UBE3D: variants seen among roughly 807,000 people sequenced by gnomAD.
The protein encoded by UBE3D is E3 ubiquitin-protein ligase E3D.
A neutral mutation model predicts 49.6 loss-of-function variants in UBE3D; 48 were observed. The observed-to-expected ratio is 0.97, with a 90% CI of 0.77 to 1.23. The LOEUF is 1.23. UBE3D is among the 50% of genes most tolerant of loss of function. The probability of loss-of-function intolerance (pLI) is 0.00; values close to 1 mark genes in which losing one functional copy is unlikely to be tolerated. For synonymous variants in UBE3D, 189 were observed against 174.2 expected (o/e 1.08, Z -0.67); for missense variants, 452 against 468.4 (o/e 0.96, Z 0.32).
At chr6:83,057,711 C>A (rs1257416699) in intron 2 of UBE3D, 115 bp downstream of exon 2, 8 of 1,003,008 alleles carry the variant, frequency 8.0e-6, no homozygotes, top group Non-Finnish European at 1.2e-5. Context: ...CTGACAAAGA[C>A]CCTAGAGCTT....
chr6:82,932,771 T>C (rs1223685911), intron 9 of UBE3D: 1 of 152,186 alleles, frequency 6.6e-6, no homozygotes, highest in African/African-American at 2.4e-5. Flanking sequence ...AATTGGAAAG[T>C]TGTTTTTTGT....
At chr6:83,026,283 C>T (rs966316347) in intron 5 of UBE3D, among the ~76,000 whole-genome samples, 12 of 151,848 alleles carry the variant, frequency 7.9e-5, no homozygotes, top group African/African-American at 2.7e-4. Context: ...CCTGTCTCTA[C>T]AAAAAATTCT....
chr6:83,031,129 G>A (rs1034924096), intron 5 of UBE3D, among the ~76,000 whole-genome samples: 8 of 152,008 alleles, frequency 5.3e-5, no homozygotes, highest in African/African-American at 1.2e-4. Flanking sequence ...TGCCTCAGCC[G>A]CCCAAGTAGC....
intron 9 of UBE3D, among the ~76,000 whole-genome samples, chr6:82,914,758 A>G (rs1772788731): frequency 6.6e-6 from 1 of 152,142 alleles, no homozygotes; most frequent in Non-Finnish European, 1.5e-5. Context: ...CTGCTGTTCT[A>G]TTACTTCCCC....
chr6:82,963,253 G>T (rs1776681967), intron 8 of UBE3D, among the ~76,000 whole-genome samples: 1 of 146,338 alleles, frequency 6.8e-6, no homozygotes, highest in Admixed American at 6.9e-5. Flanking sequence ...AGGAAGAAAT[G>T]GCTTGGCATA....
At chr6:83,048,128 A>C (rs1418403104) in intron 3 of UBE3D, among the ~76,000 whole-genome samples, 1 of 150,842 alleles carries the variant, frequency 6.6e-6, no homozygotes, top group African/African-American at 2.4e-5. Context: ...TCACAGAATC[A>C]GAAGTGATCA....
intron 9 of UBE3D, among the ~76,000 whole-genome samples, chr6:82,949,153 T>C (rs1775610117): frequency 6.6e-6 from 1 of 152,032 alleles, no homozygotes; most frequent in African/African-American, 2.4e-5. Flanking sequence ...TTAGAATTGA[T>C]AAACAAATTC....
intron 3 of UBE3D, among the ~76,000 whole-genome samples, chr6:83,046,573 C>T (rs979339726): frequency 2.0e-5 from 3 of 147,960 alleles, no homozygotes; most frequent in African/African-American, 5.0e-5. Flanking sequence ...TCTTAAGGTA[C>T]TCATGTTCTA....
At chr6:82,905,731 C>T (rs1456928745) in intron 9 of UBE3D, among the ~76,000 whole-genome samples, 1 of 152,168 alleles carries the variant, frequency 6.6e-6, no homozygotes, top group Non-Finnish European at 1.5e-5. Flanking sequence ...CAAGTCTAGT[C>T]ATCCCAGCAG....
downstream of UBE3D, among the ~76,000 whole-genome samples, chr6:82,888,251 C>T (rs531726024): frequency 6.6e-6 from 1 of 150,996 alleles, no homozygotes; most frequent in South Asian, 2.1e-4. Flanking sequence ...AGGCAATCTA[C>T]TGCTGCTACT....
chr6:82,898,119 C>G (rs566253123), intron 9 of UBE3D, among the ~76,000 whole-genome samples: 2 of 152,230 alleles, frequency 1.3e-5, no homozygotes, highest in East Asian at 3.9e-4. Context: ...CAAATCAAAA[C>G]CACAATGAGA....
chr6:82,906,939 C>T (rs1184184504), intron 9 of UBE3D, among the ~76,000 whole-genome samples: 1 of 152,164 alleles, frequency 6.6e-6, no homozygotes, highest in Non-Finnish European at 1.5e-5. Context: ...ATGAGTCCCT[C>T]CCTTTTCCAC....
intron 8 of UBE3D, among the ~76,000 whole-genome samples, chr6:83,006,186 C>T (rs1433693634): frequency 6.6e-6 from 1 of 152,152 alleles, no homozygotes; most frequent in Non-Finnish European, 1.5e-5. Flanking sequence ...GATAGCACCA[C>T]TGCACTCCAG....
intron 8 of UBE3D, among the ~76,000 whole-genome samples, chr6:83,010,406 G>A (rs1025331817): frequency 1.3e-5 from 2 of 151,996 alleles, no homozygotes; most frequent in African/African-American, 2.4e-5. Context: ...CCAGCTGTAC[G>A]CAGTTCATAA....
chr6:83,037,637 A>G, intron 5 of UBE3D: 1 of 152,234 alleles, frequency 6.6e-6, no homozygotes, highest in East Asian at 1.9e-4. Context: ...CTTAAGTACA[A>G]TTGCTTCATG....
At chr6:83,013,719 C>T (rs576244371) in intron 8 of UBE3D, among the ~76,000 whole-genome samples, 36 of 152,296 alleles carry the variant, frequency 2.4e-4, no homozygotes, top group African/African-American at 8.4e-4. Flanking sequence ...ACCACTGGAC[C>T]CCTGGAAATT....
rs552691506 is a variant in UBE3D at position 82,976,853 on chromosome 6, G to A, written c.1011-19403C>T. Among the ~76,000 whole-genome samples the A allele has an allele frequency of 9.2e-5, 14 of 152,194 alleles. No homozygotes were observed. The East Asian group carries it at 2.5e-3, about 27-fold the overall frequency. ...AGGTAGGCCGGGCACAGTGGCTCACGCCTGTAATCCCAGCACTTTGGGAGG... is the reference window on the plus strand; with the variant it reads ...AGGTAGGCCGGGCACAGTGGCTCACACCTGTAATCCCAGCACTTTGGGAGG... On this transcript the variant is annotated intron_variant, in intron 8 of 9. Transcript: ENST00000369747.
chr6:83,009,584 A>G (rs1267888849), intron 8 of UBE3D, among the ~76,000 whole-genome samples: 1 of 147,876 alleles, frequency 6.8e-6, no homozygotes, highest in Non-Finnish European at 1.5e-5. Flanking sequence ...AAAAAACAAG[A>G]CTTTAAGTAG....
At chr6:83,026,859 T>G (rs993440601) in intron 5 of UBE3D, among the ~76,000 whole-genome samples, 16 of 152,052 alleles carry the variant, frequency 1.1e-4, no homozygotes, top group African/African-American at 3.9e-4. Flanking sequence ...GCCCAGTTAA[T>G]TTTTTGTAGA....
Sources: gnomAD v4.1 joint callset for allele counts (sites outside exome capture counted in the v4.1 genomes callset) on GRCh38, gnomAD v4.1.1 for gene constraint, MANE v1.5 for transcripts, NCBI Gene and HGNC (gene_info 2026-07-23, HGNC 2026-07-21) for gene names.